Variants in CILK1 observed in about 807,000 individuals in gnomAD.
CILK1 encodes serine/threonine-protein kinase ICK.
A neutral mutation model predicts 79.2 loss-of-function variants in CILK1; 47 were observed. The observed-to-expected ratio is 0.59, with a 90% CI of 0.47 to 0.76. The LOEUF is 0.76. Among genes scored for constraint, CILK1 ranks in the 30% least tolerant of loss-of-function variants. The pLI, the probability that CILK1 is intolerant of heterozygous loss-of-function variation, is 0.00. For synonymous variants in CILK1, 266 were observed against 275.9 expected, an observed-to-expected ratio of 0.96 and a Z score of 0.36; for missense variants, 660 against 769.5, an observed-to-expected ratio of 0.86 and a Z score of 1.68.
chr6:53,006,236 T>C, intron 13 of CILK1, 79 bp downstream of exon 13: 1 of 1,434,738 alleles, frequency 7.0e-7, no homozygotes, highest in South Asian at 1.2e-5. Flanking sequence ...ATCCCAGGCC[T>C]AAAACATGCC....
intron 1 of CILK1, among the ~76,000 whole-genome samples, chr6:53,055,518 A>G (rs1767795002): frequency 6.6e-6 from 1 of 152,246 alleles, no homozygotes; most frequent in South Asian, 2.1e-4. Context: ...ACCTTGACAG[A>G]GGAGTGAATT....
intron 1 of CILK1, among the ~76,000 whole-genome samples, chr6:53,045,916 G>A (rs1466146991): frequency 6.6e-6 from 1 of 151,326 alleles, no homozygotes; most frequent in Non-Finnish European, 1.5e-5. Flanking sequence ...ACAATGGGAA[G>A]TCAATTAAAG....
chr6:53,035,837 AG>A (rs753136209), intron 3 of CILK1, among the ~76,000 whole-genome samples: 3 of 152,080 alleles, frequency 2.0e-5, no homozygotes, highest in Non-Finnish European at 2.9e-5. Context: ...TCAAGGAGGA[AG>A]GGATGAGGAA....
rs893598042 is a variant in CILK1, at chr6:53,004,745, C to T, written c.*404G>A. 5.1e-6 allele frequency: 1 copy of T among 195,818 alleles called. No homozygotes were observed. The highest frequency in any genetic ancestry group is 1.1e-5 in the Non-Finnish European group (1 of 94,100). The allele number at this position is 195,818 out of a possible 1,614,324, so 12.1% of individuals were successfully genotyped here. ...TATCACATAGCCTTAAATTGCACCC[C>T]TGTTGCAATACTGCATTAATATTAT... On this transcript the variant is annotated 3_prime_UTR_variant, in exon 14 of 14. Coordinates refer to ENST00000676107, the MANE Select transcript of CILK1 (RefSeq NM_014920.5).
chr6:53,042,175 C>T (rs1019043794), intron 1 of CILK1, among the ~76,000 whole-genome samples: 2 of 152,116 alleles, frequency 1.3e-5, no homozygotes, highest in Non-Finnish European at 2.9e-5. Flanking sequence ...CCCTTTACAC[C>T]GTTCACTAAC....
chr6:53,035,944 G>A (rs1355909532), intron 3 of CILK1, among the ~76,000 whole-genome samples: 1 of 151,908 alleles, frequency 6.6e-6, no homozygotes, highest in Non-Finnish European at 1.5e-5. Context: ...GTCTGTGTGA[G>A]GCCCAACAAG....
intron 1 of CILK1, among the ~76,000 whole-genome samples, chr6:53,045,316 TC>T (rs769853658): frequency 3.9e-5 from 6 of 152,218 alleles, no homozygotes; most frequent in Middle Eastern, 3.2e-3. Context: ...TTCCCCTTTT[TC>T]TTCTTTATCT....
At chr6:53,035,796 C>T (rs1176223117) in intron 3 of CILK1, among the ~76,000 whole-genome samples, 1 of 152,166 alleles carries the variant, frequency 6.6e-6, no homozygotes, top group Non-Finnish European at 1.5e-5. Flanking sequence ...CCTTCCCCTT[C>T]TGAGTCAGCA....
At chr6:53,029,651 G>T (rs1441976712) in intron 5 of CILK1, among the ~76,000 whole-genome samples, 2 of 152,144 alleles carry the variant, frequency 1.3e-5, no homozygotes, top group Non-Finnish European at 2.9e-5. Context: ...TAGCTACTCA[G>T]GAGGCTAAGG....
At position 53,004,615 on chromosome 6, in the gene CILK1, A is replaced by C. The variant is rs896559727; in HGVS notation, c.*534T>G. ...AATGACCTACTAAGAAAAGCAGAGGATCACTTTTCTAACAACAGTCCAAGA... is the reference window on the plus strand; with the variant it reads ...AATGACCTACTAAGAAAAGCAGAGGCTCACTTTTCTAACAACAGTCCAAGA... On this transcript the variant is annotated 3_prime_UTR_variant, in exon 14 of 14. Coordinates refer to ENST00000676107, the MANE Select transcript of CILK1 (RefSeq NM_014920.5). 1 of 154,222 alleles carries C rather than the reference A, an allele frequency of 6.5e-6. No homozygotes were observed. Among genetic ancestry groups the C allele is most frequent in the Non-Finnish European group, 1.4e-5 (1 of 69,070 alleles). 9.6% of individuals were successfully genotyped at this position (154,222 alleles called of 1,614,324 possible).
At position 53,005,205 on chromosome 6, in the gene CILK1, C is replaced by T. The variant is rs55932059; in HGVS notation, c.1843G>A (p.Ala615Thr). Residue 615 changes from alanine to threonine, a missense_variant, in exon 14 of 14, where the codon GCC becomes ACC. Ala to Thr is a moderately conservative substitution (Grantham distance 58, BLOSUM62 0). Transcript: ENST00000676107. ...TCTGTCCGGCCATGCACTGGCTGGG[C>T]GGCTGGAGGCCGTGGTATCAACCCA... ...TPGLIPRPPA[A>T]QPVHGRTDWA... 69 of 1,613,964 alleles carry T rather than the reference C, an allele frequency of 4.3e-5. No homozygotes were observed. In the East Asian group the frequency reaches 9.4e-4, roughly 22 times the overall value.
chr6:53,019,735 T>C (rs1045463885), intron 5 of CILK1, among the ~76,000 whole-genome samples: 1 of 152,186 alleles, frequency 6.6e-6, no homozygotes, highest in Non-Finnish European at 1.5e-5. Flanking sequence ...GGCACAATCA[T>C]AGTTCGCTGC....
At chr6:53,059,963 G>C (rs1319772814) in intron 1 of CILK1, among the ~76,000 whole-genome samples, 1 of 152,152 alleles carries the variant, frequency 6.6e-6, no homozygotes, top group Non-Finnish European at 1.5e-5. Context: ...GTGAGGACTA[G>C]ATTAGAATAT....
chr6:53,040,923 C>A (rs1002809509), intron 2 of CILK1, among the ~76,000 whole-genome samples: 1 of 152,174 alleles, frequency 6.6e-6, no homozygotes, highest in African/African-American at 2.4e-5. Context: ...ATAACAAGTA[C>A]TTTTACTATG....
intron 1 of CILK1, among the ~76,000 whole-genome samples, chr6:53,051,110 A>G (rs143052850): frequency 6.6e-6 from 1 of 152,306 alleles, no homozygotes; most frequent in Non-Finnish European, 1.5e-5. Context: ...TGGAGATGAG[A>G]GTGCTACCAG....
chr6:53,061,140 T>G (rs1005559425), intron 1 of CILK1: 9 of 152,364 alleles, frequency 5.9e-5, no homozygotes, highest in African/African-American at 1.9e-4. Context: ...AAGAATCAGT[T>G]GTTCTGGAAT....
intron 5 of CILK1, among the ~76,000 whole-genome samples, chr6:53,023,843 G>A (rs1209491949): frequency 6.6e-6 from 1 of 152,196 alleles, no homozygotes; most frequent in Non-Finnish European, 1.5e-5. Flanking sequence ...CATAATGGCG[G>A]ATCTGTAGGA....
rs375312902 is a variant in CILK1 at position 53,013,897 on chromosome 6, C to A, written c.917G>T (p.Gly306Val). The A allele has an allele frequency of 6.2e-7, 1 of 1,614,014 alleles. No homozygotes were observed. Among genetic ancestry groups the A allele is most frequent in the Non-Finnish European group, 8.5e-7 (1 of 1,179,966 alleles). The change falls in exon 9 of 14, where the codon GGC becomes GTC. Residue 306 changes from glycine (G) to valine (V), a missense_variant. Physicochemically the swap from Gly to Val is moderately radical, Grantham distance 109 (BLOSUM62 -3). Transcript: ENST00000676107. ...NLQDSEKPQK[G>V]ILEKAGPPPY... ...AGGTGGGCCTGCCTTTTCCAGGATGCCTTTCTGTGGTTTTTCTGAATCCTG... is the reference window on the plus strand; with the variant it reads ...AGGTGGGCCTGCCTTTTCCAGGATGACTTTCTGTGGTTTTTCTGAATCCTG...
At chr6:53,005,542 A>G (rs760848097) in intron 13 of CILK1, among the ~76,000 whole-genome samples, 1 of 152,100 alleles carries the variant, frequency 6.6e-6, no homozygotes, top group Non-Finnish European at 1.5e-5. Flanking sequence ...ATTTGTCAGG[A>G]TATCCTATTA....
Sources: allele counts gnomAD v4.1 joint callset (sites outside exome capture counted in the v4.1 genomes callset), GRCh38; gene constraint gnomAD v4.1.1; transcripts MANE v1.5; gene names NCBI Gene and HGNC (gene_info 2026-07-23, HGNC 2026-07-21).